LYZL4: variants seen among roughly 807,000 people sequenced by gnomAD.
LYZL4 encodes the protein lysozyme like 4, also known as lysozyme-like protein 4.
Under a neutral mutation model 17.6 loss-of-function variants are expected in LYZL4, and 13 were observed. The ratio of observed to expected loss-of-function variants is 0.74; its 90% CI spans 0.48 to 1.18. The LOEUF (loss-of-function observed/expected upper bound fraction) is 1.18, where lower values mean the gene tolerates loss of function less well. LYZL4 is among the 50% of genes most tolerant of loss of function. LYZL4 has a pLI of 0.00. For synonymous variants in LYZL4, 64 were observed against 67.7 expected (o/e 0.95, Z 0.27); for missense variants, 174 against 188.2 (o/e 0.92, Z 0.44).
Position 42,407,351 on chromosome 3 carries a change from G to A in LYZL4, c.-92-8C>T. On this transcript the variant is annotated splice_region_variant and splice_polypyrimidine_tract_variant and intron_variant, in intron 1 of 4. Transcript: ENST00000287748. ...TGAAGGGAAAGAAGGGCACTGTGGG[G>A]GTGGGGGTGGAGCACAGTTCAGTGT... is the stretch of plus-strand genomic sequence containing the variant. The A allele has an allele frequency of 6.6e-7, 1 of 1,517,472 alleles. No homozygotes were observed. The highest frequency in any genetic ancestry group is 1.8e-5 in the Admixed American group (1 of 54,616). 94.0% of individuals were successfully genotyped at this position (1,517,472 alleles called of 1,614,324 possible). A position where few individuals can be genotyped will look rare whatever the true frequency, so the allele number is the denominator to read the frequency against.
chr3:42,397,429 C>A, intron 4 of LYZL4, 95 bp from the exon 5 acceptor site: 2 of 797,844 alleles, frequency 2.5e-6, no homozygotes, highest in Non-Finnish European at 4.1e-6. Context: ...CACCTGCCTG[C>A]CCCTTGGAGC....
At chr3:42,394,629 G>A (rs2125598400), downstream of LYZL4, among the ~76,000 whole-genome samples, 1 of 152,260 alleles carries the variant, frequency 6.6e-6, no homozygotes, top group Middle Eastern at 3.4e-3. Context: ...ATCCAGCTTG[G>A]ATCATTCTGT....
chr3:42,361,079 C>T, the LYZL4 span, among the ~76,000 whole-genome samples: 1 of 152,152 alleles, frequency 6.6e-6, no homozygotes, highest in African/African-American at 2.4e-5. Context: ...CCCATTCCAC[C>T]TCCCATGAGC....
chr3:42,374,293 C>G, the LYZL4 span, among the ~76,000 whole-genome samples: 4 of 152,208 alleles, frequency 2.6e-5, no homozygotes, highest in African/African-American at 9.7e-5. Context: ...GATTCAGCAA[C>G]AGACTTTTCT....
At chr3:42,406,453 CAAAAAAAAAA>C (rs565639489) in intron 3 of LYZL4, among the ~76,000 whole-genome samples, 5 of 84,158 alleles carry the variant, frequency 5.9e-5, no homozygotes, top group Admixed American at 2.8e-4. Flanking sequence ...GACTCCGTCT[CAAAAAAAAAA>C]AAAAAAAAAA....
At chr3:42,369,297 A>G in the LYZL4 span, among the ~76,000 whole-genome samples, 6 of 152,388 alleles carry the variant, frequency 3.9e-5, no homozygotes, top group Admixed American at 3.9e-4. Flanking sequence ...GGAGGGCATC[A>G]GAACAATGTC....
At chr3:42,380,788 C>T in the LYZL4 span, among the ~76,000 whole-genome samples, 1 of 152,174 alleles carries the variant, frequency 6.6e-6, no homozygotes, top group Non-Finnish European at 1.5e-5. Context: ...ACTTTCCCAC[C>T]ACACTTCCAT....
the LYZL4 span, among the ~76,000 whole-genome samples, chr3:42,372,223 A>G: frequency 6.6e-6 from 1 of 152,182 alleles, no homozygotes; most frequent in Admixed American, 6.5e-5. Context: ...GACTTTTGGA[A>G]CCAGAAAGAT....
chr3:42,390,825 G>A, the LYZL4 span, among the ~76,000 whole-genome samples: 1 of 152,172 alleles, frequency 6.6e-6, no homozygotes, highest in African/African-American at 2.4e-5. Context: ...AACTAAGACT[G>A]ATGTTCTGTA....
At chr3:42,374,643 G>A in the LYZL4 span, among the ~76,000 whole-genome samples, 9 of 152,036 alleles carry the variant, frequency 5.9e-5, no homozygotes, top group Admixed American at 1.3e-4. Context: ...ACACTGATAC[G>A]GCCCTCCCTT....
downstream of LYZL4, among the ~76,000 whole-genome samples, chr3:42,394,861 G>A (rs1035154567): frequency 6.6e-6 from 1 of 152,236 alleles, no homozygotes; most frequent in African/African-American, 2.4e-5. Context: ...TTTGGCACTC[G>A]AGGAGATAGT....
chr3:42,395,531 C>T (rs1176340496), downstream of LYZL4, among the ~76,000 whole-genome samples: 1 of 152,200 alleles, frequency 6.6e-6, no homozygotes, highest in Non-Finnish European at 1.5e-5. Context: ...AAGATATACA[C>T]ACGAAAAGTT....
At chr3:42,363,964 A>G in the LYZL4 span, among the ~76,000 whole-genome samples, 4 of 152,178 alleles carry the variant, frequency 2.6e-5, no homozygotes, top group African/African-American at 9.7e-5. Flanking sequence ...TGATGCGGTG[A>G]CCTGGCATGA....
chr3:42,392,072 A>G, the LYZL4 span, among the ~76,000 whole-genome samples: 3 of 152,004 alleles, frequency 2.0e-5, no homozygotes, highest in African/African-American at 7.3e-5. Context: ...GGGTTTCGCC[A>G]TGTTGCCCAG....
the LYZL4 span, among the ~76,000 whole-genome samples, chr3:42,364,081 G>A: frequency 6.6e-6 from 1 of 152,152 alleles, no homozygotes; most frequent in Non-Finnish European, 1.5e-5. Context: ...AGCGGTTGTG[G>A]GGCCATCTCC....
At chr3:42,394,698 T>C (rs562329014), downstream of LYZL4, among the ~76,000 whole-genome samples, 4 of 152,252 alleles carry the variant, frequency 2.6e-5, no homozygotes, top group South Asian at 2.1e-4. Flanking sequence ...CCATTATCAG[T>C]GGGCTTGGGC....
intron 1 of LYZL4, among the ~76,000 whole-genome samples, chr3:42,409,508 T>C (rs376503421): frequency 7.2e-5 from 11 of 152,330 alleles, no homozygotes; most frequent in African/African-American, 7.2e-5. Context: ...TCTCAACTCG[T>C]AGAAGGCATA....
intron 4 of LYZL4, among the ~76,000 whole-genome samples, 196 bp downstream of exon 4, chr3:42,403,850 C>T (rs535371375): frequency 7.9e-5 from 12 of 152,258 alleles, no homozygotes; most frequent in African/African-American, 2.9e-4. Flanking sequence ...AAGTACAATT[C>T]AAGGCAATTT....
the LYZL4 span, among the ~76,000 whole-genome samples, chr3:42,368,237 A>G: frequency 6.6e-6 from 1 of 152,260 alleles, no homozygotes; most frequent in Non-Finnish European, 1.5e-5. Context: ...GTTAATGGAA[A>G]TATAGTAATA....
Sources: allele counts gnomAD v4.1 joint callset (sites outside exome capture counted in the v4.1 genomes callset), GRCh38; gene constraint gnomAD v4.1.1; transcripts MANE v1.5; gene names NCBI Gene and HGNC (gene_info 2026-07-23, HGNC 2026-07-21).